USH2A: variants seen among roughly 807,000 people sequenced by gnomAD.
The protein encoded by USH2A is Usher syndrome 2A (autosomal recessive, mild).
Under a neutral mutation model 538.9 loss-of-function variants are expected in USH2A, and 443 were observed. The observed-to-expected ratio is 0.82, with a 90% CI of 0.76 to 0.89. USH2A has a LOEUF of 0.89. USH2A is among the 40% of genes least tolerant of loss of function. The probability of loss-of-function intolerance (pLI) is 0.00; values close to 1 mark genes in which losing one functional copy is unlikely to be tolerated. For missense variants in USH2A, 6,633 were observed against 6,324.8 expected, an observed-to-expected ratio of 1.05 and a Z score of -1.65; for synonymous variants, 2,413 against 2,273.5, an observed-to-expected ratio of 1.06 and a Z score of -1.75.
intron 48 of USH2A, among the ~76,000 whole-genome samples, chr1:215,815,566 C>G (rs575919377): frequency 6.6e-6 from 1 of 151,870 alleles, no homozygotes; most frequent in African/African-American, 2.4e-5. Context: ...TTACAAAAAG[C>G]GGTTTCTGAA....
At chr1:215,840,517 C>T (rs1663649429) in intron 46 of USH2A, among the ~76,000 whole-genome samples, 1 of 152,194 alleles carries the variant, frequency 6.6e-6, no homozygotes, top group South Asian at 2.1e-4. Flanking sequence ...GTATTTTCAT[C>T]TGTTTCCACT....
chr1:215,659,546 T>C (rs1256976890), intron 64 of USH2A, among the ~76,000 whole-genome samples: 7 of 152,332 alleles, frequency 4.6e-5, no homozygotes, highest in Non-Finnish European at 8.8e-5. Context: ...TATGTATTTA[T>C]ATATTAAATT....
chr1:216,253,241 C>T (rs1236492350), intron 11 of USH2A, among the ~76,000 whole-genome samples: 2 of 150,380 alleles, frequency 1.3e-5, no homozygotes, highest in African/African-American at 4.9e-5. Context: ...TACAATGGTG[C>T]GATCTCGGCT....
At chr1:216,343,943 G>T (rs2102682330) in intron 4 of USH2A, among the ~76,000 whole-genome samples, 1 of 151,744 alleles carries the variant, frequency 6.6e-6, no homozygotes, top group South Asian at 2.1e-4. Context: ...TAGACATTGG[G>T]GGTGCTGCTC....
rs1160453822 is a variant in USH2A, at chr1:216,196,615, A to T, written c.4189T>A (p.Tyr1397Asn). 6.2e-7 allele frequency: 1 copy of T among 1,613,474 alleles called. No individual in the cohort carries two copies. Among genetic ancestry groups the T allele is most frequent in the African/African-American group, 1.3e-5 (1 of 74,892 alleles). ...DNVTRGKVVG[Y>N]DINMLSEQSP... The stretch of plus-strand genomic sequence containing the variant: ...TGTTCAGAAAGCATATTGATGTCAT[A>T]CCCCACAACTTTTCCTCTTGTAACA... The change falls in exon 19 of 72, where the codon TAT becomes AAT. Residue 1397 changes from tyrosine (Y) to asparagine (N), a missense_variant. Transcript: ENST00000307340.
Position 216,235,945 on chromosome 1 carries a change from A to G in USH2A, c.2810-3809T>C, listed in dbSNP as rs573029605. Among the ~76,000 whole-genome samples, 5 of 152,278 alleles carry G rather than the reference A, an allele frequency of 3.3e-5. No homozygotes were observed. The South Asian group carries it at 1.0e-3, about 32-fold the overall frequency. On this transcript the variant is annotated intron_variant, in intron 13 of 71. Coordinates refer to ENST00000307340, the MANE Select transcript of USH2A (RefSeq NM_206933.4). ...AGACTATCTTGGTAATGGCTTTATG[A>G]ATCAATATTTTCAATATTGTTGTAT...
At chr1:215,726,679 G>T (rs1659828422) in intron 61 of USH2A, among the ~76,000 whole-genome samples, 1 of 151,962 alleles carries the variant, frequency 6.6e-6, no homozygotes, top group African/African-American at 2.4e-5. Context: ...CTTATTGAGG[G>T]TTTTCCATAT....
At chr1:216,093,760 G>T (rs2032364190) in intron 22 of USH2A, among the ~76,000 whole-genome samples, 1 of 152,168 alleles carries the variant, frequency 6.6e-6, no homozygotes, top group Non-Finnish European at 1.5e-5. Flanking sequence ...AACAACCAAT[G>T]GCCAGAATTC....
intron 3 of USH2A, among the ~76,000 whole-genome samples, chr1:216,405,382 G>T (rs1026188656): frequency 5.3e-5 from 8 of 152,148 alleles, no homozygotes; most frequent in Admixed American, 3.3e-4. Flanking sequence ...CAGAAGACAT[G>T]GGGAGACATC....
chr1:216,129,467 C>T (rs992974188), intron 21 of USH2A, among the ~76,000 whole-genome samples: 5 of 151,158 alleles, frequency 3.3e-5, no homozygotes, highest in Admixed American at 1.3e-4. Flanking sequence ...TTTGTAATCG[C>T]CACAAATAAA....
intron 4 of USH2A, among the ~76,000 whole-genome samples, chr1:216,353,458 G>A (rs750498305): frequency 6.6e-6 from 1 of 151,888 alleles, no homozygotes; most frequent in Non-Finnish European, 1.5e-5. Context: ...CAGATTTCAG[G>A]CAAACCAAAG....
intron 38 of USH2A, among the ~76,000 whole-genome samples, chr1:215,927,207 A>C (rs1236496473): frequency 1.3e-5 from 2 of 152,174 alleles, no homozygotes; most frequent in Non-Finnish European, 2.9e-5. Flanking sequence ...TTAATAAAAC[A>C]ATACTGTGAA....
chr1:216,048,938 C>T (rs1166233708), intron 30 of USH2A, among the ~76,000 whole-genome samples: 2 of 152,168 alleles, frequency 1.3e-5, no homozygotes, highest in African/African-American at 4.8e-5. Flanking sequence ...ACATATAGTT[C>T]GTGAGGCAGA....
intron 58 of USH2A, among the ~76,000 whole-genome samples, chr1:215,747,273 T>G (rs1243400993): frequency 6.6e-6 from 1 of 152,104 alleles, no homozygotes; most frequent in African/African-American, 2.4e-5. Context: ...TAATAAAGAG[T>G]TCTATACTAT....
intron 21 of USH2A, among the ~76,000 whole-genome samples, chr1:216,129,332 T>C (rs1374701467): frequency 6.6e-6 from 1 of 152,056 alleles, no homozygotes; most frequent in Non-Finnish European, 1.5e-5. Flanking sequence ...TTCTGCACTG[T>C]TCTTCGTAGC....
At chr1:215,838,242 T>A (rs999154536) in intron 46 of USH2A, 139 bp from the exon 47 acceptor site, 1 of 726,458 alleles carries the variant, frequency 1.4e-6, no homozygotes, top group Non-Finnish European at 2.4e-6. Flanking sequence ...TCAATATTCA[T>A]TTTTGATGTT....
rs1399311962 is a variant in USH2A at position 215,758,699 on chromosome 1, T to TC, written c.11284dup (p.Asp3762GlyfsTer19). ...TGACATAGGTGTTTGAACAATGTAATCATCACTAGCACTGCTGCCACCTCC... is the reference window on the plus strand; with the variant it reads ...TGACATAGGTGTTTGAACAATGTAATCCATCACTAGCACTGCTGCCACCTCC... On this transcript the variant is annotated frameshift_variant, in exon 58 of 72. Coordinates refer to ENST00000307340, the MANE Select transcript of USH2A (RefSeq NM_206933.4). LOFTEE classifies it high-confidence loss of function. 1 of 1,613,960 alleles carries TC rather than the reference T, an allele frequency of 6.2e-7. No individual in the cohort carries two copies.
At chr1:216,269,886 G>T (rs2036543026) in intron 11 of USH2A, among the ~76,000 whole-genome samples, 1 of 152,048 alleles carries the variant, frequency 6.6e-6, no homozygotes, top group African/African-American at 2.4e-5. Flanking sequence ...ACAGAAAAGA[G>T]TAAGATCCTG....
At chr1:216,397,583 CCTCT>C (rs2039232558) in intron 3 of USH2A, among the ~76,000 whole-genome samples, 2 of 152,288 alleles carry the variant, frequency 1.3e-5, no homozygotes, top group South Asian at 4.1e-4. Context: ...TTGTGAGCTG[CCTCT>C]CTCTTTCTCT....
Sources: allele counts gnomAD v4.1 joint callset (sites outside exome capture counted in the v4.1 genomes callset), GRCh38; gene constraint gnomAD v4.1.1; transcripts MANE v1.5; gene names NCBI Gene and HGNC (gene_info 2026-07-23, HGNC 2026-07-21).